SSH2: variants seen among roughly 807,000 people sequenced by gnomAD.
SSH2 encodes slingshot protein phosphatase 2.
Under a neutral mutation model 135.2 loss-of-function variants are expected in SSH2, and 37 were observed. That is an observed-to-expected ratio of 0.27 (90% CI 0.21 to 0.36). The LOEUF (loss-of-function observed/expected upper bound fraction) is 0.36. Ranked by LOEUF, SSH2 falls within the 10% of genes least tolerant of loss-of-function variation. The pLI is 1.00. For synonymous variants in SSH2, 628 were observed against 646.2 expected, an observed-to-expected ratio of 0.97 and a Z score of 0.43; for missense variants, 1,408 against 1,765.3, an observed-to-expected ratio of 0.80 and a Z score of 3.63.
intron 3 of SSH2, among the ~76,000 whole-genome samples, chr17:29,790,543 G>A (rs2042045493): frequency 6.6e-6 from 1 of 151,998 alleles, no homozygotes; most frequent in Non-Finnish European, 1.5e-5. Flanking sequence ...TCCACATTCT[G>A]GATTTAACCC....
intron 1 of SSH2, among the ~76,000 whole-genome samples, chr17:29,900,930 C>T (rs986261643): frequency 6.6e-6 from 1 of 152,118 alleles, no homozygotes. Context: ...ATATATACAC[C>T]ATGGAATACT....
intron 2 of SSH2, among the ~76,000 whole-genome samples, chr17:29,814,681 TA>T (rs1264619592): frequency 6.6e-6 from 1 of 151,848 alleles, no homozygotes; most frequent in African/African-American, 2.4e-5. Context: ...TTGAGTAAAT[TA>T]AAAAACTGCC....
At chr17:29,841,892 ATTTTT>A (rs770836134) in intron 2 of SSH2, among the ~76,000 whole-genome samples, 8 of 99,646 alleles carry the variant, frequency 8.0e-5, no homozygotes, top group Admixed American at 2.6e-4. Flanking sequence ...CCCTTGGCTA[ATTTTT>A]TTTTTTTTTT....
chr17:29,885,348 TAAAAAA>T (rs72403205), intron 1 of SSH2, among the ~76,000 whole-genome samples: 48 of 127,110 alleles, frequency 3.8e-4, no homozygotes, highest in African/African-American at 1.3e-3. Flanking sequence ...TATTGTATCA[TAAAAAA>T]AAAAAAAAAA....
chr17:29,761,459 C>T (rs1448915803), intron 3 of SSH2: 11 of 995,302 alleles, frequency 1.1e-5, no homozygotes, highest in Non-Finnish European at 1.2e-5. Context: ...AGTTCGCCCC[C>T]ACCCGCGTCC....
chr17:29,744,860 AGTGTGTGTGTGTGTGTGTGT>A (rs71689248), intron 3 of SSH2, among the ~76,000 whole-genome samples: 5 of 140,426 alleles, frequency 3.6e-5, no homozygotes, highest in South Asian at 2.3e-4. Flanking sequence ...GGATTACTTG[AGTGTGTGTGTGTGTGTGTGT>A]GTGTGTGTGT....
At chr17:29,651,033 A>T (rs1362705272) in intron 12 of SSH2, among the ~76,000 whole-genome samples, 1 of 152,250 alleles carries the variant, frequency 6.6e-6, no homozygotes, top group African/African-American at 2.4e-5. Flanking sequence ...GTTATTCACC[A>T]TGTTCAACAT....
intron 1 of SSH2, among the ~76,000 whole-genome samples, chr17:29,884,546 G>C (rs962477242): frequency 6.6e-6 from 1 of 152,048 alleles, no homozygotes; most frequent in African/African-American, 2.4e-5. Context: ...ATATCTTACT[G>C]CCTAATTGGA....
intron 1 of SSH2, among the ~76,000 whole-genome samples, chr17:29,920,723 T>C (rs1334873285): frequency 1.3e-5 from 2 of 152,128 alleles, no homozygotes; most frequent in East Asian, 1.9e-4. Context: ...TTAAAACATA[T>C]AGGTCTAAAT....
intron 3 of SSH2, among the ~76,000 whole-genome samples, chr17:29,752,584 A>G (rs2040979621): frequency 6.6e-6 from 1 of 152,174 alleles, no homozygotes; most frequent in African/African-American, 2.4e-5. Flanking sequence ...AATATAAAAT[A>G]ACACTTTGAG....
chr17:29,814,388 A>G (rs2042514098), intron 2 of SSH2, among the ~76,000 whole-genome samples: 1 of 140,042 alleles, frequency 7.1e-6, no homozygotes, highest in Non-Finnish European at 1.5e-5. Context: ...AGTGGAGATT[A>G]CACCACTGCA....
rs1244602920 is a variant in SSH2, at chr17:29,629,889, CA to C, written c.*951del. On this transcript the variant is annotated 3_prime_UTR_variant, in exon 16 of 16. Transcript: ENST00000540801. Reference sequence around the variant, plus strand: ...ATATGGCCATTAAACTCAGAAGGCCCAAAGAATTATTCAAGTAATGGAAGGG... The same window carrying C: ...ATATGGCCATTAAACTCAGAAGGCCCAAGAATTATTCAAGTAATGGAAGGG... 1 of 152,578 alleles carries C rather than the reference CA, an allele frequency of 6.6e-6. No homozygotes were observed. Among genetic ancestry groups the C allele is most frequent in the Admixed American group, 6.5e-5 (1 of 15,274 alleles). 9.5% of individuals were successfully genotyped at this position (152,578 alleles called of 1,614,324 possible).
Position 29,839,248 on chromosome 17 carries a change from C to T in SSH2, c.144+9601G>A, listed in dbSNP as rs188097406. Reference sequence around the variant, plus strand: ...CAGTGGCTGGACCCTTGCTTACACACCCCTCGCCACCCCATGCCTGGCTCG... The same window carrying T: ...CAGTGGCTGGACCCTTGCTTACACATCCCTCGCCACCCCATGCCTGGCTCG... On this transcript the variant is annotated intron_variant, in intron 2 of 15. Transcript: ENST00000540801. The T allele has an allele frequency of 1.5e-4, 23 of 152,592 alleles. No homozygotes were observed. The East Asian group carries it at 3.3e-3, about 22-fold the overall frequency. The allele number at this position is 152,592 out of a possible 1,614,324, so 9.5% of individuals were successfully genotyped here.
At chr17:29,907,939 GC>G (rs2066687711) in intron 1 of SSH2, among the ~76,000 whole-genome samples, 1 of 150,564 alleles carries the variant, frequency 6.6e-6, no homozygotes, top group Admixed American at 6.7e-5. Context: ...TCCCACCTCA[GC>G]CTCATGAGTA....
chr17:29,869,352 A>G (rs1023783086), intron 1 of SSH2, among the ~76,000 whole-genome samples: 5 of 152,200 alleles, frequency 3.3e-5, no homozygotes, highest in African/African-American at 1.2e-4. Flanking sequence ...CAAGCCAACC[A>G]TAACTTAAAG....
chr17:29,913,343 A>ATAT (rs2066804382), intron 1 of SSH2, among the ~76,000 whole-genome samples: 16 of 43,438 alleles, frequency 3.7e-4, no homozygotes, highest in Non-Finnish European at 6.7e-4. Flanking sequence ...AAAAAAAAAA[A>ATAT]AAAAATATAT....
intron 14 of SSH2, among the ~76,000 whole-genome samples, chr17:29,642,759 A>G (rs536902548): frequency 1.3e-4 from 20 of 152,314 alleles, no homozygotes; most frequent in African/African-American, 4.6e-4. Context: ...TGTATTTCAG[A>G]GGGGCTTGGC....
chr17:29,832,763 T>C (rs942898049), intron 2 of SSH2, among the ~76,000 whole-genome samples: 14 of 152,194 alleles, frequency 9.2e-5, no homozygotes, highest in African/African-American at 2.6e-4. Context: ...TTCCCCCAGG[T>C]TCAAGCGATC....
chr17:29,929,801 G>C (rs778736605), intron 1 of SSH2, 137 bp downstream of exon 1: 4 of 756,980 alleles, frequency 5.3e-6, no homozygotes, highest in Non-Finnish European at 6.5e-6. Context: ...TGGGGGTGTG[G>C]GGGGGTTCGC....
Sources: allele counts gnomAD v4.1 joint callset (sites outside exome capture counted in the v4.1 genomes callset), GRCh38; gene constraint gnomAD v4.1.1; transcripts MANE v1.5; gene names NCBI Gene and HGNC (gene_info 2026-07-23, HGNC 2026-07-21).